The following KIAA0825 variants were observed in gnomAD, a reference collection of about 807,000 sequenced individuals.
KIAA0825 encodes uncharacterized protein KIAA0825.
KIAA0825 carries 119 observed loss-of-function variants against 147.6 expected under a neutral mutation model. That is an observed-to-expected ratio of 0.81 (90% CI 0.69 to 0.94). KIAA0825 has a LOEUF of 0.94. Ranked by LOEUF, KIAA0825 falls within the 40% of genes least tolerant of loss-of-function variation. The probability of loss-of-function intolerance (pLI) is 0.00; values close to 1 mark genes in which losing one functional copy is unlikely to be tolerated. For missense variants in KIAA0825, 1,381 were observed against 1,472.7 expected, an observed-to-expected ratio of 0.94 and a Z score of 1.02; for synonymous variants, 470 against 518.1, an observed-to-expected ratio of 0.91 and a Z score of 1.26.
At chr5:94,155,213 C>CTTTTTTTTTTTT (rs67704311) in intron 20 of KIAA0825, among the ~76,000 whole-genome samples, 1 of 119,044 alleles carries the variant, frequency 8.4e-6, no homozygotes, top group Admixed American at 8.4e-5. Context: ...TATTTTCTTT[C>CTTTTTTTTTTTT]TTTTTTTTTT....
At chr5:94,558,679 G>T (rs764268782) in intron 2 of KIAA0825, among the ~76,000 whole-genome samples, 2 of 152,114 alleles carry the variant, frequency 1.3e-5, no homozygotes, top group South Asian at 4.1e-4. Flanking sequence ...ACATGTTACC[G>T]CAAAGTTTGG....
At chr5:94,199,530 G>T (rs1245163692) in intron 20 of KIAA0825, among the ~76,000 whole-genome samples, 1 of 152,176 alleles carries the variant, frequency 6.6e-6, no homozygotes, top group Non-Finnish European at 1.5e-5. Context: ...GGCAGCTGAG[G>T]GTAACTGCAT....
intron 14 of KIAA0825, among the ~76,000 whole-genome samples, chr5:94,438,558 T>G (rs1756663176): frequency 6.6e-6 from 1 of 152,054 alleles, no homozygotes; most frequent in African/African-American, 2.4e-5. Flanking sequence ...TCTGCCTTTC[T>G]GCCTGGAACA....
chr5:94,306,323 G>A (rs891786201), intron 20 of KIAA0825, among the ~76,000 whole-genome samples: 11 of 151,656 alleles, frequency 7.3e-5, no homozygotes, highest in Non-Finnish European at 1.5e-4. Context: ...AACATTATAA[G>A]TATAAAATCC....
intron 2 of KIAA0825, chr5:94,567,973 C>T (rs756673106): frequency 1.0e-4 from 16 of 158,610 alleles, no homozygotes; most frequent in Non-Finnish European, 1.8e-4. Context: ...TATGCCTAGG[C>T]GCCACCACCA....
intron 20 of KIAA0825, among the ~76,000 whole-genome samples, chr5:94,189,890 A>G (rs1770501770): frequency 6.6e-6 from 1 of 152,172 alleles, no homozygotes; most frequent in African/African-American, 2.4e-5. Context: ...TGAATCTTCA[A>G]TTCATTAACA....
intron 20 of KIAA0825, among the ~76,000 whole-genome samples, chr5:94,331,589 C>A (rs1230146177): frequency 1.3e-5 from 2 of 152,038 alleles, no homozygotes; most frequent in Admixed American, 1.3e-4. Context: ...GTATTAAAAC[C>A]AGACGAAGAC....
intron 16 of KIAA0825, 82 bp from the exon 17 acceptor site, chr5:94,396,591 T>G: frequency 8.7e-7 from 1 of 1,150,862 alleles, no homozygotes; most frequent in Non-Finnish European, 1.2e-6. Context: ...TAAGGATGTC[T>G]AATTTTTGTG....
intron 20 of KIAA0825, among the ~76,000 whole-genome samples, chr5:94,261,857 T>C (rs1324043562): frequency 1.3e-5 from 2 of 152,124 alleles, no homozygotes; most frequent in African/African-American, 4.8e-5. Flanking sequence ...ATCATTTCTG[T>C]ATAGTATTAA....
intron 20 of KIAA0825, among the ~76,000 whole-genome samples, chr5:94,321,763 C>A (rs1260762704): frequency 2.6e-5 from 4 of 151,906 alleles, no homozygotes; most frequent in African/African-American, 9.7e-5. Flanking sequence ...ACACATTGCA[C>A]ATCTTCTAGT....
rs1260031602 is a variant in KIAA0825, at chr5:94,208,504, G to C, written c.3711-54380C>G. 2.0e-5 allele frequency among the ~76,000 whole-genome samples: 3 copies of C among 152,164 alleles called. No individual in the cohort carries two copies. The East Asian group carries it at 5.8e-4, about 29-fold the overall frequency. On this transcript the variant is annotated intron_variant, in intron 20 of 20. Coordinates refer to ENST00000682413, the MANE Select transcript of KIAA0825 (RefSeq NM_001145678.3). ...AGCCTCACAGAGTGAACCATCTTTGGGAGATAAAGCACATATACAGGTAAC... is the reference window on the plus strand; with the variant it reads ...AGCCTCACAGAGTGAACCATCTTTGCGAGATAAAGCACATATACAGGTAAC...
At chr5:94,513,519 G>T (rs1259914434) in intron 5 of KIAA0825, among the ~76,000 whole-genome samples, 1 of 152,116 alleles carries the variant, frequency 6.6e-6, no homozygotes, top group Non-Finnish European at 1.5e-5. Flanking sequence ...CTATATGGAA[G>T]AAAAATGTGC....
At chr5:94,579,902 C>T (rs113125296) in intron 2 of KIAA0825, among the ~76,000 whole-genome samples, 1 of 152,100 alleles carries the variant, frequency 6.6e-6, no homozygotes, top group African/African-American at 2.4e-5. Context: ...TTAATCAATG[C>T]CTTCACAGAC....
At chr5:94,394,668 A>G (rs972723070) in intron 17 of KIAA0825, among the ~76,000 whole-genome samples, 15 of 152,166 alleles carry the variant, frequency 9.9e-5, no homozygotes, top group African/African-American at 3.6e-4. Context: ...CTTTGTCACT[A>G]TAATCAGATA....
chr5:94,271,853 A>G (rs1359649724), intron 20 of KIAA0825, among the ~76,000 whole-genome samples: 3 of 152,174 alleles, frequency 2.0e-5, no homozygotes, highest in Non-Finnish European at 4.4e-5. Context: ...TGTAGAAGAG[A>G]TATCTGCACT....
chr5:94,231,790 A>G (rs1198773448), intron 20 of KIAA0825, among the ~76,000 whole-genome samples: 2 of 152,154 alleles, frequency 1.3e-5, no homozygotes, highest in African/African-American at 4.8e-5. Flanking sequence ...AGATAATTCA[A>G]ATAATATATT....
At position 94,312,495 on chromosome 5, in the gene KIAA0825, T is replaced by C. The variant is rs200752791; in HGVS notation, c.3710+71873A>G. The stretch of plus-strand genomic sequence containing the variant: ...GCTCCAAAGGAGCCATTGTTGTCTA[T>C]TGTGTCAATATTTTGCGTTCTAAAG... On this transcript the variant is annotated intron_variant, in intron 20 of 20. Transcript: ENST00000682413. 1.6e-4 allele frequency among the ~76,000 whole-genome samples: 25 copies of C among 151,676 alleles called. No individual in the cohort carries two copies. The East Asian group carries it at 4.1e-3, about 25-fold the overall frequency.
chr5:94,434,964 A>T (rs375940335), intron 14 of KIAA0825, among the ~76,000 whole-genome samples: 5 of 152,156 alleles, frequency 3.3e-5, no homozygotes, highest in Non-Finnish European at 7.3e-5. Flanking sequence ...AAAACTCTGT[A>T]CCTAACAGTA....
intron 20 of KIAA0825, among the ~76,000 whole-genome samples, chr5:94,375,188 T>C (rs1267134516): frequency 6.6e-6 from 1 of 151,964 alleles, no homozygotes; most frequent in Non-Finnish European, 1.5e-5. Flanking sequence ...CATGCCACTA[T>C]GCCTGGCTAA....
Sources: allele counts gnomAD v4.1 joint callset (sites outside exome capture counted in the v4.1 genomes callset), GRCh38; gene constraint gnomAD v4.1.1; transcripts MANE v1.5; gene names NCBI Gene and HGNC (gene_info 2026-07-23, HGNC 2026-07-21).